Variants in DST observed in about 807,000 individuals in gnomAD.
DST encodes the protein dystonin, also known as bullous pemphigoid antigen.
Under a neutral mutation model 875.2 loss-of-function variants are expected in DST, and 253 were observed. That is an observed-to-expected ratio of 0.29 (90% confidence interval 0.26 to 0.32). The LOEUF (loss-of-function observed/expected upper bound fraction) is 0.32. DST is among the 10% of genes least tolerant of loss of function. DST has a pLI of 1.00. For synonymous variants in DST, 3,124 were observed against 3,197.1 expected (o/e 0.98, Z 0.77); for missense variants, 8,287 against 9,111.6 (o/e 0.91, Z 3.68).
At chr6:56,924,056 G>A (rs766439997) in intron 2 of DST, among the ~76,000 whole-genome samples, 3 of 152,030 alleles carry the variant, frequency 2.0e-5, no homozygotes, top group Non-Finnish European at 4.4e-5. Flanking sequence ...CCTGGGAGGC[G>A]GAGGTTGCAG....
chr6:56,808,716 C>T (rs2099756293), intron 4 of DST, among the ~76,000 whole-genome samples: 1 of 152,136 alleles, frequency 6.6e-6, no homozygotes, highest in African/African-American at 2.4e-5. Flanking sequence ...ATGTATTCTA[C>T]AATTTGTTTT....
At chr6:56,690,049 T>C (rs1173540945) in intron 9 of DST, among the ~76,000 whole-genome samples, 1 of 152,166 alleles carries the variant, frequency 6.6e-6, no homozygotes, top group Non-Finnish European at 1.5e-5. Context: ...TTATAACATA[T>C]CCTTCACAGA....
intron 9 of DST, chr6:56,692,671 A>G (rs1231966792): frequency 8.5e-6 from 11 of 1,289,792 alleles, no homozygotes; most frequent in Non-Finnish European, 1.1e-5. Flanking sequence ...GACATCATCT[A>G]AATGTTTCTT....
chr6:56,836,733 C>T (rs1455349830), intron 4 of DST, among the ~76,000 whole-genome samples: 6 of 150,872 alleles, frequency 4.0e-5, no homozygotes, highest in Non-Finnish European at 8.9e-5. Flanking sequence ...CGCCTGTAGT[C>T]CCAGCTACTC....
At chr6:56,624,096 T>C (rs946612912) in intron 36 of DST, among the ~76,000 whole-genome samples, 2 of 152,124 alleles carry the variant, frequency 1.3e-5, no homozygotes, top group Non-Finnish European at 2.9e-5. Flanking sequence ...TTTTAACTTC[T>C]TGAGATACAA....
chr6:56,558,063 A>T (rs9396220), intron 58 of DST, among the ~76,000 whole-genome samples: 47,592 of 151,972 alleles, frequency 0.31, 7,712 homozygotes, highest in Middle Eastern at 0.42. Context: ...TGGACTTTTA[A>T]GACTTTTAGA....
intron 9 of DST, among the ~76,000 whole-genome samples, chr6:56,677,633 G>A: frequency 6.6e-6 from 1 of 152,200 alleles, no homozygotes; most frequent in Admixed American, 6.5e-5. Flanking sequence ...ATTATCTGCA[G>A]TAGTATTGCT....
intron 49 of DST, among the ~76,000 whole-genome samples, chr6:56,591,940 C>G (rs918833213): frequency 3.0e-5 from 4 of 132,488 alleles, no homozygotes; most frequent in Non-Finnish European, 6.2e-5. Flanking sequence ...TGAGATCACA[C>G]TACTGCACTC....
intron 4 of DST, among the ~76,000 whole-genome samples, chr6:56,818,638 T>C (rs776421099): frequency 6.6e-6 from 1 of 152,196 alleles, no homozygotes; most frequent in South Asian, 2.1e-4. Flanking sequence ...ACACACTGCA[T>C]TGTCAGTCAG....
intron 4 of DST, among the ~76,000 whole-genome samples, chr6:56,754,751 C>T (rs2099597436): frequency 6.6e-6 from 1 of 151,976 alleles, no homozygotes; most frequent in Non-Finnish European, 1.5e-5. Flanking sequence ...AAATAAATGA[C>T]TTCATGGTTC....
At chr6:56,459,496 G>C (rs777565037) in intron 103 of DST, among the ~76,000 whole-genome samples, 1 of 152,134 alleles carries the variant, frequency 6.6e-6, no homozygotes, top group Non-Finnish European at 1.5e-5. Context: ...GGTAAGTTTC[G>C]GCTTCCCCTA....
At position 56,477,684 on chromosome 6, in the gene DST, A is replaced by C. The variant is rs1282914666; in HGVS notation, c.21532-196T>G. On this transcript the variant is annotated intron_variant, in intron 90 of 103. Coordinates refer to ENST00000680361, the MANE Select transcript of DST (RefSeq NM_001374736.1). ...AAAGTACTTTCTAACATGTACTTCAAAATACAAGTACAGTCATCCCTTGGA... is the reference window on the plus strand; with the variant it reads ...AAAGTACTTTCTAACATGTACTTCACAATACAAGTACAGTCATCCCTTGGA... 2.0e-5 allele frequency among the ~76,000 whole-genome samples: 3 copies of C among 152,216 alleles called. No homozygotes were observed. In the South Asian group the frequency reaches 6.2e-4, roughly 32 times the overall value.
At position 56,954,390 on chromosome 6, in the gene DST, G is replaced by C; in HGVS notation, c.181+17C>G. The C allele has an allele frequency of 7.3e-7, 1 of 1,361,722 alleles. No individual in the cohort carries two copies. The allele number at this position is 1,361,722 out of a possible 1,614,324, so 84.4% of individuals were successfully genotyped here. On this transcript the variant is annotated intron_variant, in intron 1 of 103. Transcript: ENST00000680361. ...TGTTCCTGGTAGCCCGCAGAAACCC[G>C]TCGCGGCGTGTCTTACCTCGGCTTC...
chr6:56,918,149 CAG>C (rs918216391), intron 2 of DST, among the ~76,000 whole-genome samples: 23 of 141,698 alleles, frequency 1.6e-4, no homozygotes, highest in African/African-American at 6.3e-4. Flanking sequence ...TTTTTTGAGA[CAG>C]AGTCTTGCTT....
intron 26 of DST, 42 bp downstream of exon 26, chr6:56,634,419 GC>G: frequency 1.2e-6 from 2 of 1,611,070 alleles, no homozygotes; most frequent in South Asian, 1.1e-5. Flanking sequence ...CCTTCAGAGG[GC>G]CCCCAAAACT....
In DST at chr6:56,904,434, G is replaced by A. The variant is rs184902039; in HGVS notation, c.217-3813C>T. Reference sequence around the variant, plus strand: ...ATTTGTCAAATGCATATAACAATACGTCTCTCTTGTAGAGTAATGGGGTGT... The same window carrying A: ...ATTTGTCAAATGCATATAACAATACATCTCTCTTGTAGAGTAATGGGGTGT... On this transcript the variant is annotated intron_variant, in intron 2 of 103. Transcript: ENST00000680361. Among the ~76,000 whole-genome samples the A allele has an allele frequency of 1.6e-4, 24 of 152,256 alleles. No individual in the cohort carries two copies. The East Asian group carries it at 3.3e-3, about 21-fold the overall frequency.
At chr6:56,727,777 C>G (rs545391097) in intron 5 of DST, among the ~76,000 whole-genome samples, 1 of 152,332 alleles carries the variant, frequency 6.6e-6, no homozygotes, top group Admixed American at 6.5e-5. Flanking sequence ...TTCTACTTCT[C>G]TGTCTCCATT....
At chr6:56,822,695 C>T (rs1591182831) in intron 4 of DST, among the ~76,000 whole-genome samples, 1 of 151,866 alleles carries the variant, frequency 6.6e-6, no homozygotes, top group South Asian at 2.1e-4. Context: ...TTTCCTGTTA[C>T]CTGAAGTTGC....
At chr6:56,935,019 C>G (rs1812284225) in intron 2 of DST, among the ~76,000 whole-genome samples, 1 of 152,038 alleles carries the variant, frequency 6.6e-6, no homozygotes, top group Non-Finnish European at 1.5e-5. Context: ...TATCAATTGG[C>G]AGTATCTCCG....
Sources: allele counts gnomAD v4.1 joint callset (sites outside exome capture counted in the v4.1 genomes callset), GRCh38; gene constraint gnomAD v4.1.1; transcripts MANE v1.5; gene names NCBI Gene and HGNC (gene_info 2026-07-23, HGNC 2026-07-21).